Variants in LRRC31 observed in about 807,000 individuals in gnomAD.
LRRC31 encodes the protein leucine rich repeat containing 31, also known as leucine-rich repeat-containing protein 31.
A neutral mutation model predicts 46.7 loss-of-function variants in LRRC31; 35 were observed. The ratio of observed to expected loss-of-function variants is 0.75; its 90% CI spans 0.57 to 0.99. The LOEUF is 0.99. Ranked by LOEUF, LRRC31 falls within the 50% of genes least tolerant of loss-of-function variation. The pLI is 0.00. For synonymous variants in LRRC31, 236 were observed against 235.1 expected, an observed-to-expected ratio of 1.00 and a Z score of -0.03; for missense variants, 613 against 626.1, an observed-to-expected ratio of 0.98 and a Z score of 0.22.
chr3:169,850,622 G>A (rs774846277), intron 7 of LRRC31, among the ~76,000 whole-genome samples: 1 of 152,256 alleles, frequency 6.6e-6, no homozygotes, highest in East Asian at 1.9e-4. Flanking sequence ...TATGACCTTG[G>A]GTTACCTCAT....
At position 169,869,030 on chromosome 3, in the gene LRRC31, TC is replaced by T. The variant is rs536264755; in HGVS notation, c.175+602del. ...TTTGTTTACAAACAACCCGTTGTGC[TC>T]TTTTAGTTATTTTTAAATGTGCAAT... On this transcript the variant is annotated intron_variant, in intron 1 of 8. Coordinates refer to ENST00000316428, the MANE Select transcript of LRRC31 (RefSeq NM_024727.4). Among the ~76,000 whole-genome samples the T allele has an allele frequency of 9.2e-5, 14 of 152,066 alleles. No homozygotes were observed. The East Asian group carries it at 2.1e-3, about 23-fold the overall frequency.
intron 8 of LRRC31, among the ~76,000 whole-genome samples, chr3:169,844,844 A>G (rs1235982977): frequency 2.0e-5 from 3 of 151,362 alleles, no homozygotes; most frequent in Non-Finnish European, 4.4e-5. Context: ...AGGCAGGAGA[A>G]TCGCTTGAAC....
At position 169,840,232 on chromosome 3, in the gene LRRC31, C is replaced by T; in HGVS notation, c.1409G>A (p.Trp470Ter). The change falls in exon 9 of 9, where the codon TGG becomes TAG. Residue 470 changes from tryptophan (W) to a stop codon, truncating the protein, a stop_gained. Transcript: ENST00000316428. LOFTEE classifies it low-confidence loss of function (END_TRUNC). ...CCGCACGTTTTGGCAGAACATGGTCCACCCCGCATCACAGATGCTGTCATT... is the reference window on the plus strand; with the variant it reads ...CCGCACGTTTTGGCAGAACATGGTCTACCCCGCATCACAGATGCTGTCATT... ...SYNDSICDAG[W>*]TMFCQNVRFL... is the part of the protein sequence containing the mutation. 1.6e-5 allele frequency: 26 copies of T among 1,614,084 alleles called. No homozygotes were observed. Among genetic ancestry groups the T allele is most frequent in the Non-Finnish European group, 2.1e-5 (25 of 1,180,002 alleles).
At chr3:169,848,080 T>A in intron 8 of LRRC31, 40 bp downstream of exon 8, 1 of 1,590,202 alleles carries the variant, frequency 6.3e-7, no homozygotes, top group East Asian at 2.2e-5. Flanking sequence ...CACCCACTGC[T>A]CTGTTTGCCA....
At chr3:169,844,098 A>T (rs553790339) in intron 8 of LRRC31, among the ~76,000 whole-genome samples, 1 of 152,340 alleles carries the variant, frequency 6.6e-6, no homozygotes, top group East Asian at 1.9e-4. Flanking sequence ...ACACTTTCCA[A>T]CTCATTGTAT....
At chr3:169,858,314 C>G (rs1781034775) in intron 3 of LRRC31, among the ~76,000 whole-genome samples, 1 of 152,122 alleles carries the variant, frequency 6.6e-6, no homozygotes, top group Non-Finnish European at 1.5e-5. Flanking sequence ...AAGTTTGGAA[C>G]AGGTCCCAGG....
rs1011170160 is a variant in LRRC31 at position 169,839,450 on chromosome 3, A to G, written c.*532T>C. Reference sequence around the variant, plus strand: ...CACTTTCTGATAAAAACCTACATAGACTACATTAAGATACATATAGTAATA... The same window carrying G: ...CACTTTCTGATAAAAACCTACATAGGCTACATTAAGATACATATAGTAATA... On this transcript the variant is annotated 3_prime_UTR_variant, in exon 9 of 9. Transcript: ENST00000316428. The G allele has an allele frequency of 6.6e-6, 1 of 152,188 alleles. No individual in the cohort carries two copies. Among genetic ancestry groups the G allele is most frequent in the Non-Finnish European group, 1.5e-5 (1 of 68,038 alleles). 9.4% of individuals were successfully genotyped at this position (152,188 alleles called of 1,614,324 possible). A position where few individuals can be genotyped will look rare whatever the true frequency, so the allele number is the denominator to read the frequency against.
Position 169,861,816 on chromosome 3 carries a change from G to A in LRRC31, c.176-3C>T, listed in dbSNP as rs925869912. The A allele has an allele frequency of 6.2e-7, 1 of 1,612,326 alleles. No homozygotes were observed. The highest frequency in any genetic ancestry group is 8.5e-7 in the Non-Finnish European group (1 of 1,179,342). The stretch of plus-strand genomic sequence containing the variant: ...CATTTCTGAACTGAGAGGCTTAGCT[G>A]TGTGATAAGCATAAAAAAGAATTTG... On this transcript the variant is annotated splice_region_variant and splice_polypyrimidine_tract_variant and intron_variant, in intron 1 of 8. Coordinates refer to ENST00000316428, the MANE Select transcript of LRRC31 (RefSeq NM_024727.4).
At chr3:169,847,027 G>A (rs1313244077) in intron 8 of LRRC31, among the ~76,000 whole-genome samples, 1 of 152,090 alleles carries the variant, frequency 6.6e-6, no homozygotes. Flanking sequence ...TGGAGTGACT[G>A]TTCTGGCCCT....
At chr3:169,847,583 G>A (rs915845179) in intron 8 of LRRC31, among the ~76,000 whole-genome samples, 1 of 152,138 alleles carries the variant, frequency 6.6e-6, no homozygotes, top group Non-Finnish European at 1.5e-5. Context: ...GACTGACATG[G>A]AAAAAGGGTC....
intron 3 of LRRC31, among the ~76,000 whole-genome samples, 158 bp downstream of exon 3, chr3:169,860,403 A>G (rs1367971788): frequency 1.3e-5 from 2 of 151,704 alleles, no homozygotes; most frequent in East Asian, 4.0e-4. Context: ...AACTTTTTGT[A>G]TTTTAGTAGA....
At chr3:169,868,953 G>A (rs537228110) in intron 1 of LRRC31, among the ~76,000 whole-genome samples, 1 of 152,102 alleles carries the variant, frequency 6.6e-6, no homozygotes, top group South Asian at 2.1e-4. Context: ...AGAAAAAATA[G>A]AATATATAAG....
intron 8 of LRRC31, among the ~76,000 whole-genome samples, chr3:169,844,732 G>T (rs1780552052): frequency 6.6e-6 from 1 of 152,140 alleles, no homozygotes; most frequent in Non-Finnish European, 1.5e-5. Context: ...AGGAGATCGA[G>T]ACTATCCTGA....
rs866321708 is a variant in LRRC31, at chr3:169,840,104, G to A, written c.1537C>T (p.Pro513Ser). Residue 513 changes from proline (P) to serine (S), a missense_variant, in exon 9 of 9, where the codon CCT becomes TCT. Transcript: ENST00000316428. ...TTCATTCCTATCTCAGTGATCTGAG[G>A]AAGCTTGGTCACAGCATATAACAAG... ...RHLLYAVTKL[P>S]QITEIGMKRW... The A allele has an allele frequency of 3.7e-6, 6 of 1,614,064 alleles. No homozygotes were observed. Among genetic ancestry groups the A allele is most frequent in the Non-Finnish European group, 4.2e-6 (5 of 1,179,998 alleles).
intron 2 of LRRC31, among the ~76,000 whole-genome samples, chr3:169,861,097 G>T (rs1265174516): frequency 2.2e-5 from 3 of 135,678 alleles, no homozygotes; most frequent in Non-Finnish European, 3.1e-5. Context: ...TTCAGACGGA[G>T]TCTCGATCTG....
intron 2 of LRRC31, 118 bp from the exon 3 acceptor site, chr3:169,860,846 G>GTC: frequency 9.7e-7 from 1 of 1,030,104 alleles, no homozygotes; most frequent in Non-Finnish European, 1.4e-6. Context: ...ATAGACAGTG[G>GTC]TAGGCACGCT....
rs1298460460 is a variant in LRRC31 at position 169,854,888 on chromosome 3, A to C, written c.916T>G (p.Leu306Val). 1 of 1,613,816 alleles carries C rather than the reference A, an allele frequency of 6.2e-7. No individual in the cohort carries two copies. The change falls in exon 6 of 9, where the codon TTG becomes GTG. Residue 306 changes from leucine to valine, a missense_variant. Leu to Val is a conservative substitution (Grantham distance 32). Transcript: ENST00000316428. ...ACTTGTAGATGCTTTAGCATGACCA[A>C]CTGAGCCGGCGAGTCTTCAAAACCT... ...GGGFEDSPAQ[L>V]VMLKHLQVLD...
chr3:169,851,104 C>G (rs2108207796), intron 7 of LRRC31, among the ~76,000 whole-genome samples: 1 of 152,204 alleles, frequency 6.6e-6, no homozygotes, highest in South Asian at 2.1e-4. Flanking sequence ...TAGCTAGGCT[C>G]ACACTCTAGT....
intron 5 of LRRC31, among the ~76,000 whole-genome samples, chr3:169,856,009 T>C (rs1308614302): frequency 2.6e-5 from 4 of 151,818 alleles, no homozygotes; most frequent in African/African-American, 4.8e-5. Context: ...GCCTCCCAAG[T>C]AGCTGGGATT....
Sources: gnomAD v4.1 joint callset for allele counts (sites outside exome capture counted in the v4.1 genomes callset) on GRCh38, gnomAD v4.1.1 for gene constraint, MANE v1.5 for transcripts, NCBI Gene and HGNC (gene_info 2026-07-23, HGNC 2026-07-21) for gene names.